Variants in ATP8B4 observed in about 807,000 individuals in gnomAD.
The protein encoded by ATP8B4 is ATPase phospholipid transporting 8B4 (putative), also known as probable phospholipid-transporting ATPase IM.
Under a neutral mutation model 145.6 loss-of-function variants are expected in ATP8B4, and 133 were observed. The ratio of observed to expected loss-of-function variants is 0.91; its 90% confidence interval spans 0.79 to 1.05. The LOEUF is 1.05. Ranked by LOEUF, ATP8B4 falls within the 50% of genes least tolerant of loss-of-function variation. The pLI is 0.00. For missense variants in ATP8B4, 1,458 were observed against 1,425.2 expected, an observed-to-expected ratio of 1.02 and a Z score of -0.37; for synonymous variants, 507 against 492.9, an observed-to-expected ratio of 1.03 and a Z score of -0.38.
intron 20 of ATP8B4, among the ~76,000 whole-genome samples, chr15:49,903,240 G>A (rs1275253404): frequency 1.3e-5 from 2 of 152,090 alleles, no homozygotes; most frequent in African/African-American, 2.4e-5. Flanking sequence ...TCACAAAAAC[G>A]ATTTATTAGG....
chr15:49,875,258 G>T (rs2034233334), intron 25 of ATP8B4, among the ~76,000 whole-genome samples: 1 of 152,190 alleles, frequency 6.6e-6, no homozygotes, highest in Non-Finnish European at 1.5e-5. Flanking sequence ...TCTTCAGATA[G>T]TGGCCTTTTA....
At chr15:49,868,163 AAAGAAGAT>A (rs534576494) in intron 25 of ATP8B4, among the ~76,000 whole-genome samples, 2 of 152,358 alleles carry the variant, frequency 1.3e-5, no homozygotes, top group South Asian at 4.1e-4. Flanking sequence ...CAAAGTAATG[AAAGAAGAT>A]TCTGGTGACA....
intron 2 of ATP8B4, among the ~76,000 whole-genome samples, chr15:50,086,063 T>C (rs1266271651): frequency 9.1e-6 from 1 of 109,666 alleles, no homozygotes; most frequent in Non-Finnish European, 1.6e-5. Context: ...CTATATATAT[T>C]ATATATAATA....
At chr15:50,085,980 A>ATATATTTATGAT (rs1567331562) in intron 2 of ATP8B4, among the ~76,000 whole-genome samples, 2 of 20,634 alleles carry the variant, frequency 9.7e-5, no homozygotes, top group African/African-American at 5.8e-4. Context: ...TGATATATCA[A>ATATATTTATGAT]ATATATCATA....
intron 1 of ATP8B4, among the ~76,000 whole-genome samples, chr15:50,137,753 T>C (rs1189942304): frequency 1.3e-5 from 2 of 152,168 alleles, no homozygotes; most frequent in Non-Finnish European, 2.9e-5. Context: ...CTTAGAGACA[T>C]ATACAGTGTT....
At chr15:50,025,380 G>A (rs1396544483) in intron 6 of ATP8B4, among the ~76,000 whole-genome samples, 1 of 152,138 alleles carries the variant, frequency 6.6e-6, no homozygotes, top group Non-Finnish European at 1.5e-5. Context: ...CTCCAGCCCT[G>A]TCTGCCCCTG....
rs1018287347 is a variant in ATP8B4 at position 49,897,946 on chromosome 15, A to G, written c.2473+122T>C. The G allele has an allele frequency of 6.3e-6, 7 of 1,108,642 alleles. No homozygotes were observed. The South Asian group carries it at 7.8e-5, about 12-fold the overall frequency. 68.7% of individuals were successfully genotyped at this position (1,108,642 alleles called of 1,614,324 possible). A position where few individuals can be genotyped will look rare whatever the true frequency, so the allele number is the denominator to read the frequency against. On this transcript the variant is annotated intron_variant, in intron 22 of 27. Coordinates refer to ENST00000284509, the MANE Select transcript of ATP8B4 (RefSeq NM_024837.4). ...TGGTAGCATTGGACCCAGAAGTATC[A>G]TTCATTTTAGAATCACTGGCAAAAT...
chr15:50,125,730 T>C (rs973848106), intron 1 of ATP8B4, among the ~76,000 whole-genome samples: 1 of 152,228 alleles, frequency 6.6e-6, no homozygotes, highest in African/African-American at 2.4e-5. Context: ...CCTCACCTAT[T>C]ATCTTCATGT....
chr15:50,094,395 GT>G (rs2055819928), intron 2 of ATP8B4, among the ~76,000 whole-genome samples: 1 of 151,914 alleles, frequency 6.6e-6, no homozygotes, highest in South Asian at 2.1e-4. Context: ...GGTCTCCTGG[GT>G]CTCCAGTTTG....
Position 49,931,197 on chromosome 15 carries a change from C to T in ATP8B4, c.1564G>A (p.Glu522Lys). ...SRTPETITIE[E>K]LGTLVTYQLL... ...TGATAAGTAACTAGTGTTCCCAATT[C>T]TTCTATTGTTATGGTCTCTGGGGTC... Residue 522 changes from glutamate (E) to lysine (K), a missense_variant, in exon 16 of 28, where the codon GAA (glutamate) becomes AAA (lysine). Physicochemically the swap from Glu to Lys is moderately conservative, Grantham distance 56. Transcript: ENST00000284509. 2 of 1,612,684 alleles carry T rather than the reference C, an allele frequency of 1.2e-6. No individual in the cohort carries two copies. The highest frequency in any genetic ancestry group is 1.7e-6 in the Non-Finnish European group (2 of 1,179,122).
intron 13 of ATP8B4, among the ~76,000 whole-genome samples, chr15:49,966,866 G>C (rs1266642587): frequency 2.6e-5 from 4 of 152,180 alleles, no homozygotes; most frequent in African/African-American, 9.7e-5. Context: ...TTATATAGGA[G>C]AGTCCTGGCT....
intron 20 of ATP8B4, among the ~76,000 whole-genome samples, chr15:49,912,540 C>G (rs931325120): frequency 2.6e-5 from 4 of 151,984 alleles, no homozygotes; most frequent in Admixed American, 1.3e-4. Flanking sequence ...AGTCTCCCAA[C>G]AAAGAAAAAC....
chr15:49,931,110 C>A lies in ATP8B4; in HGVS notation c.1642+9G>T. 6.2e-7 allele frequency: 1 copy of A among 1,600,554 alleles called. No individual in the cohort carries two copies. On this transcript the variant is annotated intron_variant, in intron 16 of 27. Coordinates refer to ENST00000284509, the MANE Select transcript of ATP8B4 (RefSeq NM_024837.4). Reference sequence around the variant, plus strand: ...AAAGATCAAAAATAGTCTTAGCTACCAACCATACCTATGACAGACATCCTT... The same window carrying A: ...AAAGATCAAAAATAGTCTTAGCTACAAACCATACCTATGACAGACATCCTT...
At position 49,963,607 on chromosome 15, in the gene ATP8B4, C is replaced by T. The variant is rs1422312552; in HGVS notation, c.1244-1587G>A. ...AAAGGAATGAGGTCATGTCCTTTGC[C>T]GGGACATGGATAGAGCTGGAATCCA... is the stretch of plus-strand genomic sequence containing the variant. On this transcript the variant is annotated intron_variant, in intron 13 of 27. Transcript: ENST00000284509. 3.3e-5 allele frequency among the ~76,000 whole-genome samples: 5 copies of T among 152,144 alleles called. No homozygotes were observed. In the East Asian group the frequency reaches 7.7e-4, roughly 24 times the overall value.
chr15:49,992,957 T>C (rs999891589), intron 9 of ATP8B4, among the ~76,000 whole-genome samples: 3 of 152,136 alleles, frequency 2.0e-5, no homozygotes, highest in African/African-American at 4.8e-5. Context: ...CTAGTTTTGA[T>C]TCCCATGAGT....
intron 16 of ATP8B4, among the ~76,000 whole-genome samples, chr15:49,929,033 A>C (rs34702709): frequency 0.23 from 35,055 of 152,086 alleles, 5,000 homozygotes; most frequent in Non-Finnish European, 0.31. Context: ...CCAGCTAAAT[A>C]AGACTAGAGG....
chr15:49,998,566 C>T (rs955339387), intron 8 of ATP8B4, among the ~76,000 whole-genome samples: 2 of 152,112 alleles, frequency 1.3e-5, no homozygotes, highest in African/African-American at 4.8e-5. Context: ...TCATGTCCTT[C>T]ACCCACTTTT....
intron 20 of ATP8B4, among the ~76,000 whole-genome samples, chr15:49,909,722 C>CAAAAAAAAAA (rs995336781): frequency 1.4e-5 from 1 of 72,016 alleles, no homozygotes; most frequent in African/African-American, 5.5e-5. Flanking sequence ...CTTTGTTTAC[C>CAAAAAAAAAA]AAAAAAAAAA....
intron 23 of ATP8B4, among the ~76,000 whole-genome samples, chr15:49,886,222 A>G (rs530906503): frequency 6.6e-6 from 1 of 152,258 alleles, no homozygotes; most frequent in East Asian, 1.9e-4. Flanking sequence ...AGGGTAAGGG[A>G]GTCGGCAGAC....
Sources: gnomAD v4.1 joint callset for allele counts (sites outside exome capture counted in the v4.1 genomes callset) on GRCh38, gnomAD v4.1.1 for gene constraint, MANE v1.5 for transcripts, NCBI Gene and HGNC (gene_info 2026-07-23, HGNC 2026-07-21) for gene names.